The following INTS4 variants were observed in gnomAD, a reference collection of about 807,000 sequenced individuals.
The protein encoded by INTS4 is MSTP093.
In INTS4, 70 loss-of-function variants were observed where a neutral mutation model predicts 119.5. The ratio of observed to expected loss-of-function variants is 0.59; its 90% CI spans 0.48 to 0.71. The LOEUF (loss-of-function observed/expected upper bound fraction) is 0.71, where lower values mean the gene tolerates loss of function less well. Ranked by LOEUF, INTS4 falls within the 30% of genes least tolerant of loss-of-function variation. The pLI, the probability that INTS4 is intolerant of heterozygous loss-of-function variation, is 0.00. For missense variants in INTS4, 867 were observed against 1,173.2 expected, an observed-to-expected ratio of 0.74 and a Z score of 3.81; for synonymous variants, 316 against 419.6, an observed-to-expected ratio of 0.75 and a Z score of 3.02.
intron 15 of INTS4, among the ~76,000 whole-genome samples, chr11:77,914,256 A>G (rs1476139566): frequency 6.6e-6 from 1 of 152,234 alleles, no homozygotes; most frequent in Non-Finnish European, 1.5e-5. Context: ...CTATCATCTC[A>G]GGAAACCCAG....
chr11:77,907,587 A>G (rs1338601943), intron 16 of INTS4, 130 bp downstream of exon 16: 1 of 649,652 alleles, frequency 1.5e-6, no homozygotes, highest in East Asian at 2.6e-5. Context: ...ACTGCAGAGT[A>G]CATATTTCTC....
At chr11:77,924,709 A>G (rs763922031) in intron 12 of INTS4, 41 bp downstream of exon 12, 7 of 1,569,842 alleles carry the variant, frequency 4.5e-6, no homozygotes, top group Non-Finnish European at 5.3e-6. Context: ...CATTTACCAC[A>G]TTATGGGACT....
chr11:77,883,689 G>A (rs1461791742), intron 22 of INTS4, 143 bp downstream of exon 22: 6 of 836,284 alleles, frequency 7.2e-6, no homozygotes, highest in Non-Finnish European at 1.1e-5. Context: ...CACTTAATGA[G>A]TGCTTATAAA....
chr11:77,910,119 T>C (rs1041830142), intron 15 of INTS4, among the ~76,000 whole-genome samples: 6 of 152,196 alleles, frequency 3.9e-5, no homozygotes, highest in African/African-American at 1.2e-4. Flanking sequence ...TTATAAATCA[T>C]GCTGCTATAA....
At chr11:77,953,186 G>A (rs1227832028) in intron 8 of INTS4, among the ~76,000 whole-genome samples, 2 of 152,176 alleles carry the variant, frequency 1.3e-5, no homozygotes, top group Non-Finnish European at 1.5e-5. Context: ...TCAGTGTCCA[G>A]TACAGTCAGA....
At chr11:77,887,523 G>A (rs1026624490) in intron 21 of INTS4, among the ~76,000 whole-genome samples, 1 of 152,162 alleles carries the variant, frequency 6.6e-6, no homozygotes, top group Non-Finnish European at 1.5e-5. Flanking sequence ...AGACAGGGAT[G>A]CCCTCTCTCA....
At position 77,881,503 on chromosome 11, in the gene INTS4, AC is replaced by A. The variant is rs1441479586; in HGVS notation, c.2713+2328del. 2.0e-5 allele frequency among the ~76,000 whole-genome samples: 3 copies of A among 152,258 alleles called. No individual in the cohort carries two copies. The East Asian group carries it at 5.8e-4, about 29-fold the overall frequency. The stretch of plus-strand genomic sequence containing the variant: ...AGCACAGTGAGGGCTGGGAAGGGTG[AC>A]TGCAGCTTTAGCACTGTCACTGATC... On this transcript the variant is annotated intron_variant, in intron 22 of 22. Transcript: ENST00000534064.
chr11:77,962,259 G>GC (rs747485170), intron 4 of INTS4, among the ~76,000 whole-genome samples: 9 of 151,724 alleles, frequency 5.9e-5, no homozygotes, highest in Non-Finnish European at 1.0e-4. Flanking sequence ...CTCCAACCTG[G>GC]ATGACAGAGT....
chr11:77,910,962 T>G, intron 15 of INTS4: 2 of 1,278,550 alleles, frequency 1.6e-6, no homozygotes, highest in Non-Finnish European at 2.0e-6. Context: ...ATGGAAACTG[T>G]GGGAAACCTT....
intron 4 of INTS4, among the ~76,000 whole-genome samples, chr11:77,972,775 T>C (rs1427184008): frequency 6.6e-6 from 1 of 151,898 alleles, no homozygotes; most frequent in Non-Finnish European, 1.5e-5. Flanking sequence ...TACCATAGTA[T>C]CTGGATATTA....
At chr11:77,945,081 T>C (rs891257277) in intron 8 of INTS4, among the ~76,000 whole-genome samples, 10 of 152,212 alleles carry the variant, frequency 6.6e-5, no homozygotes, top group African/African-American at 1.7e-4. Context: ...CTGTGGAGCA[T>C]GGAAGCCTCA....
chr11:77,992,740 G>A (rs967058354), intron 1 of INTS4, among the ~76,000 whole-genome samples: 1 of 152,130 alleles, frequency 6.6e-6, no homozygotes, highest in African/African-American at 2.4e-5. Flanking sequence ...CTTACTAGCT[G>A]GGGAAGGCCT....
chr11:77,885,659 A>G (rs1021100034), intron 21 of INTS4, among the ~76,000 whole-genome samples: 1 of 151,920 alleles, frequency 6.6e-6, no homozygotes, highest in Non-Finnish European at 1.5e-5. Context: ...TCTCTACTAA[A>G]AATACAAAAA....
intron 7 of INTS4, among the ~76,000 whole-genome samples, chr11:77,956,786 G>A (rs181763934): frequency 1.7e-3 from 256 of 149,638 alleles, no homozygotes; most frequent in African/African-American, 6.0e-3. Context: ...AGTAAGTAAG[G>A]CTGCAGGCTC....
intron 10 of INTS4, among the ~76,000 whole-genome samples, chr11:77,937,004 G>C (rs184340841): frequency 2.0e-5 from 3 of 151,996 alleles, no homozygotes; most frequent in Non-Finnish European, 4.4e-5. Flanking sequence ...GCAAAACCCC[G>C]TCTCTACTAA....
chr11:77,942,382 T>C (rs1158772335), intron 8 of INTS4, among the ~76,000 whole-genome samples: 2 of 152,186 alleles, frequency 1.3e-5, no homozygotes, highest in African/African-American at 2.4e-5. Context: ...GAACGTAAGA[T>C]AGGGCTCCTG....
intron 10 of INTS4, among the ~76,000 whole-genome samples, chr11:77,931,912 T>C (rs1953659799): frequency 6.6e-6 from 1 of 152,106 alleles, no homozygotes; most frequent in Admixed American, 6.5e-5. Flanking sequence ...ACTGGATCCC[T>C]TCCTTACACT....
chr11:77,989,752 T>C (rs1210799781), intron 2 of INTS4, among the ~76,000 whole-genome samples: 1 of 149,294 alleles, frequency 6.7e-6, no homozygotes, highest in African/African-American at 2.5e-5. Context: ...ATACAAAAAT[T>C]AGCCAGGCAT....
In INTS4 at chr11:77,933,228, AGTCTCCCTCTCCCTCTCTCTCCACG is replaced by A. The variant is rs1473998274; in HGVS notation, c.1166-4706_1166-4682del. Among the ~76,000 whole-genome samples, 612 of 146,752 alleles carry A rather than the reference AGTCTCCCTCTCCCTCTCTCTCCACG, an allele frequency of 4.2e-3. 3 individuals carry two copies. The highest frequency in any genetic ancestry group is 0.015 in the African/African-American group (584 of 39,766). On this transcript the variant is annotated intron_variant, in intron 10 of 22. Transcript: ENST00000534064. ...CCCCTCTCCATCCCCCTCTCCCCAC[AGTCTCCCTCTCCCTCTCTCTCCACG>A]GTCTCCCTCTGATGCCGAGCCCGAA...
Sources: gnomAD v4.1 joint callset for allele counts (sites outside exome capture counted in the v4.1 genomes callset) on GRCh38, gnomAD v4.1.1 for gene constraint, MANE v1.5 for transcripts, NCBI Gene and HGNC (gene_info 2026-07-23, HGNC 2026-07-21) for gene names.